The following SSR1 variants were observed in gnomAD, a reference collection of about 807,000 sequenced individuals.
The protein encoded by SSR1 is signal sequence receptor subunit 1, also known as translocon-associated protein subunit alpha.
SSR1 carries 13 observed loss-of-function variants against 36.1 expected under a neutral mutation model. The observed-to-expected ratio is 0.36, with a 90% CI of 0.23 to 0.57. The LOEUF (loss-of-function observed/expected upper bound fraction) is 0.57. Ranked by LOEUF, SSR1 falls within the 20% of genes least tolerant of loss-of-function variation. The pLI, the probability that SSR1 is intolerant of heterozygous loss-of-function variation, is 0.81. For synonymous variants in SSR1, 113 were observed against 118.9 expected (o/e 0.95, Z 0.32); for missense variants, 291 against 338.5 (o/e 0.86, Z 1.10).
At chr6:7,303,737 T>C in intron 2 of SSR1, 100 bp from the exon 3 acceptor site, 2 of 853,826 alleles carry the variant, frequency 2.3e-6, no homozygotes, top group South Asian at 1.8e-5. Context: ...ACACTTATAA[T>C]CTCAGCACTT....
At chr6:7,306,791 C>A (rs1758071242) in intron 2 of SSR1, among the ~76,000 whole-genome samples, 1 of 151,730 alleles carries the variant, frequency 6.6e-6, no homozygotes, top group South Asian at 2.1e-4. Context: ...TGGCGGGCGC[C>A]TATAATCCCA....
intron 4 of SSR1, among the ~76,000 whole-genome samples, chr6:7,300,399 T>A (rs1231238505): frequency 6.6e-6 from 1 of 152,214 alleles, no homozygotes; most frequent in Non-Finnish European, 1.5e-5. Flanking sequence ...TGATATATAG[T>A]ATACATTATT....
chr6:7,301,622 A>G, intron 3 of SSR1, 50 bp from the exon 4 acceptor site: 1 of 1,535,146 alleles, frequency 6.5e-7, no homozygotes, highest in Non-Finnish European at 8.7e-7. Context: ...GAAAGAGCAC[A>G]AAATATTTAA....
intron 1 of SSR1, among the ~76,000 whole-genome samples, chr6:7,312,600 A>G (rs1390886354): frequency 4.6e-5 from 7 of 152,252 alleles, no homozygotes; most frequent in Admixed American, 4.6e-4. Context: ...CGTGGAAGCT[A>G]AAGACACGTC....
intron 1 of SSR1, among the ~76,000 whole-genome samples, chr6:7,311,012 A>G (rs1758182710): frequency 6.6e-6 from 1 of 152,368 alleles, no homozygotes; most frequent in South Asian, 2.1e-4. Context: ...TTAGAACTGG[A>G]TAGTTTGTAA....
intron 7 of SSR1, among the ~76,000 whole-genome samples, chr6:7,292,571 G>C (rs1433166292): frequency 6.6e-6 from 1 of 151,854 alleles, no homozygotes; most frequent in Non-Finnish European, 1.5e-5. Flanking sequence ...TTCTCTTAGA[G>C]ATGGGAGACT....
chr6:7,298,617 C>T (rs574450941), intron 5 of SSR1, 130 bp downstream of exon 5: 67 of 628,740 alleles, frequency 1.1e-4, no homozygotes, highest in Admixed American at 3.8e-4. Flanking sequence ...GAATGAATAT[C>T]GTAAGGATTT....
At chr6:7,302,044 C>A (rs1393239423) in intron 3 of SSR1, among the ~76,000 whole-genome samples, 2 of 151,978 alleles carry the variant, frequency 1.3e-5, no homozygotes, top group Non-Finnish European at 2.9e-5. Flanking sequence ...CCACGTTAAG[C>A]AATTAATCAA....
chr6:7,302,614 T>C (rs1312048878), intron 3 of SSR1, among the ~76,000 whole-genome samples: 1 of 151,322 alleles, frequency 6.6e-6, no homozygotes, highest in Non-Finnish European at 1.5e-5. Flanking sequence ...ATACAAAAAT[T>C]AGCTGGGCGT....
chr6:7,300,400 A>G (rs1223867281), intron 4 of SSR1, among the ~76,000 whole-genome samples: 3 of 152,214 alleles, frequency 2.0e-5, no homozygotes, highest in African/African-American at 7.2e-5. Flanking sequence ...GATATATAGT[A>G]TACATTATTA....
chr6:7,309,797 C>T (rs976591903), intron 2 of SSR1, 120 bp downstream of exon 2: 9 of 838,706 alleles, frequency 1.1e-5, no homozygotes, highest in Non-Finnish European at 1.8e-5. Context: ...AACTGTGGGT[C>T]AATGAAACCT....
rs1309738211 is a variant in SSR1, at chr6:7,288,428, AT to A, written c.*1435del. 1 of 152,360 alleles carries A rather than the reference AT, an allele frequency of 6.6e-6. No individual in the cohort carries two copies. The highest frequency in any genetic ancestry group is 1.5e-5 in the Non-Finnish European group (1 of 68,028). The allele number at this position is 152,360 out of a possible 1,614,324, so 9.4% of individuals were successfully genotyped here. ...GATTAACAATTATACAATAACTTCT[AT>A]CTGCTTTGGCTCAGATGTTTAAATA... On this transcript the variant is annotated 3_prime_UTR_variant, in exon 8 of 8. Transcript: ENST00000244763.
chr6:7,305,279 G>A (rs1400141430), intron 2 of SSR1, among the ~76,000 whole-genome samples: 1 of 152,228 alleles, frequency 6.6e-6, no homozygotes, highest in Non-Finnish European at 1.5e-5. Flanking sequence ...CATATAAAAT[G>A]TGAAGTACTT....
At chr6:7,290,169 G>T (rs1430463386) in intron 7 of SSR1, among the ~76,000 whole-genome samples, 1 of 152,182 alleles carries the variant, frequency 6.6e-6, no homozygotes, top group Non-Finnish European at 1.5e-5. Context: ...GTGGGTAAGA[G>T]ATTTAAACTT....
At chr6:7,312,899 T>A in intron 1 of SSR1, 143 bp downstream of exon 1, 1 of 802,908 alleles carries the variant, frequency 1.2e-6, no homozygotes, top group Non-Finnish European at 2.0e-6. Context: ...GCTACGAGCC[T>A]AGGCTTGGGG....
chr6:7,313,176 C>A lies in SSR1; in HGVS notation c.-56G>T, dbSNP rs1758251494. 7 of 1,496,980 alleles carry A rather than the reference C, an allele frequency of 4.7e-6. No homozygotes were observed. The highest frequency in any genetic ancestry group is 2.0e-5 in the Admixed American group (1 of 49,490). The allele number at this position is 1,496,980 out of a possible 1,614,324, so 92.7% of individuals were successfully genotyped here. ...CGGCTAAGGCTCTCGGCGGCTCCGG[C>A]GGTAATGGCGTTACTCTTCATCCGG... is the stretch of plus-strand genomic sequence containing the variant. On this transcript the variant is annotated 5_prime_UTR_variant, in exon 1 of 8. Coordinates refer to ENST00000244763, the MANE Select transcript of SSR1 (RefSeq NM_003144.5).
rs1404486917 is a variant in SSR1, at chr6:7,284,774, A to G, written c.*5090T>C. On this transcript the variant is annotated 3_prime_UTR_variant, in exon 8 of 8. Transcript: ENST00000244763. The stretch of plus-strand genomic sequence containing the variant: ...TAGGTTTAAGGGAAGAATCATTTAT[A>G]GTAACACTGAATTAAGTAAGGGTTT... 2 of 151,620 alleles carry G rather than the reference A, an allele frequency of 1.3e-5. No individual in the cohort carries two copies. The highest frequency in any genetic ancestry group is 2.9e-5 in the Non-Finnish European group (2 of 67,976). 9.4% of individuals were successfully genotyped at this position (151,620 alleles called of 1,614,324 possible). A position where few individuals can be genotyped will look rare whatever the true frequency, so the allele number is the denominator to read the frequency against.
At chr6:7,312,618 A>G (rs1758227072) in intron 1 of SSR1, among the ~76,000 whole-genome samples, 1 of 152,158 alleles carries the variant, frequency 6.6e-6, no homozygotes, top group Non-Finnish European at 1.5e-5. Context: ...GTCAGCCCTG[A>G]GCGCGAGGGG....
At chr6:7,295,255 A>C (rs1261880165) in intron 7 of SSR1, 137 bp downstream of exon 7, 1 of 1,083,892 alleles carries the variant, frequency 9.2e-7, no homozygotes, top group African/African-American at 1.6e-5. Flanking sequence ...ATTAATCACT[A>C]TACTAGATTC....
Sources: allele counts gnomAD v4.1 joint callset (sites outside exome capture counted in the v4.1 genomes callset), GRCh38; gene constraint gnomAD v4.1.1; transcripts MANE v1.5; gene names NCBI Gene and HGNC (gene_info 2026-07-23, HGNC 2026-07-21).